The following GPR146 variants were observed in gnomAD, a reference collection of about 807,000 sequenced individuals.
GPR146 encodes the protein G-protein coupled receptor 146.
For synonymous variants in GPR146, 203 were observed against 104.3 expected, an observed-to-expected ratio of 1.95 and a Z score of -5.77; for missense variants, 381 against 213.9, an observed-to-expected ratio of 1.78 and a Z score of -4.87.
At chr7:1,049,167 G>A (rs1239784216) in intron 1 of GPR146, among the ~76,000 whole-genome samples, 2 of 152,216 alleles carry the variant, frequency 1.3e-5, no homozygotes, top group Non-Finnish European at 2.9e-5. Context: ...GGGTGTGACG[G>A]GGCCCATGTT....
intron 1 of GPR146, among the ~76,000 whole-genome samples, chr7:1,048,118 A>G (rs1470551512): frequency 6.6e-6 from 1 of 152,180 alleles, no homozygotes; most frequent in Non-Finnish European, 1.5e-5. Flanking sequence ...TAAAATGTCA[A>G]GGACGAGCCA....
intron 1 of GPR146, among the ~76,000 whole-genome samples, chr7:1,050,368 C>G (rs546227371): frequency 9.8e-5 from 15 of 152,386 alleles, no homozygotes; most frequent in African/African-American, 3.6e-4. Flanking sequence ...CCACCTGCGG[C>G]GGGCACATCC....
chr7:1,053,310 C>CG (rs1783333327), intron 1 of GPR146, among the ~76,000 whole-genome samples: 1 of 152,214 alleles, frequency 6.6e-6, no homozygotes, highest in Admixed American at 6.5e-5. Flanking sequence ...GTGGCGACGG[C>CG]GGGGGAGGGG....
rs1783958367 is a variant in GPR146, at chr7:1,057,587, G to C, written c.72G>C (p.Leu24=). Residue 24 remains leucine (L), a synonymous_variant, in exon 2 of 2, where the codon CTG becomes CTC. Coordinates refer to ENST00000444847, the MANE Select transcript of GPR146 (RefSeq NM_001303473.2). ...EELPACQDLQ[L]GLSLLSLLGL... ...TGCCTGCCTGCCAGGACCTGCAGCT[G>C]GGGCTGTCACTGTTGTCGCTGCTGG... 1.3e-6 allele frequency: 1 copy of C among 771,916 alleles called. No homozygotes were observed. Among genetic ancestry groups the C allele is most frequent in the African/African-American group, 1.7e-5 (1 of 59,128 alleles). 47.8% of individuals were successfully genotyped at this position (771,916 alleles called of 1,614,324 possible). A position where few individuals can be genotyped will look rare whatever the true frequency, so the allele number is the denominator to read the frequency against.
intron 1 of GPR146, chr7:1,056,210 G>C (rs1052089070): frequency 3.9e-5 from 6 of 154,932 alleles, no homozygotes; most frequent in African/African-American, 1.4e-4. Context: ...GGAGGTGCTG[G>C]TCAAGATGTG....
chr7:1,053,541 C>T (rs1476292209), intron 1 of GPR146, among the ~76,000 whole-genome samples: 1 of 152,216 alleles, frequency 6.6e-6, no homozygotes, highest in Non-Finnish European at 1.5e-5. Flanking sequence ...TCAAAATGTA[C>T]ACCTCGCTGG....
At chr7:1,044,820 G>C (rs1333561055) in intron 1 of GPR146, among the ~76,000 whole-genome samples, 162 bp downstream of exon 1, 1 of 152,244 alleles carries the variant, frequency 6.6e-6, no homozygotes, top group African/African-American at 2.4e-5. Flanking sequence ...CCGTGCCCTT[G>C]CCAGGAGGGG....
chr7:1,053,597 G>C (rs1013801392), intron 1 of GPR146, among the ~76,000 whole-genome samples: 3 of 152,232 alleles, frequency 2.0e-5, no homozygotes, highest in Admixed American at 2.0e-4. Context: ...GGAGGCCGAG[G>C]TGGGCGGATC....
At chr7:1,053,342 C>T (rs553578049) in intron 1 of GPR146, among the ~76,000 whole-genome samples, 1 of 152,328 alleles carries the variant, frequency 6.6e-6, no homozygotes, top group African/African-American at 2.4e-5. Flanking sequence ...GAGCCCAGAA[C>T]CTTGCGCAGG....
chr7:1,049,878 C>T, intron 1 of GPR146, among the ~76,000 whole-genome samples: 1 of 152,224 alleles, frequency 6.6e-6, no homozygotes, highest in Non-Finnish European at 1.5e-5. Flanking sequence ...TGGGCAGGGA[C>T]AGCTGAAGCT....
chr7:1,045,587 C>T (rs1297968477), intron 1 of GPR146: 3 of 152,208 alleles, frequency 2.0e-5, no homozygotes, highest in Non-Finnish European at 4.4e-5. Flanking sequence ...GATAGTCTAC[C>T]GTCCTAACTG....
In GPR146 at chr7:1,058,157, C is replaced by A. The variant is rs762998000; in HGVS notation, c.642C>A (p.Arg214=). The stretch of plus-strand genomic sequence containing the variant: ...CGCTGGTGCTACTCTCCCGCGTCCG[C>A]AGGGAGGACACGCCCCTGGACCGGG... ...LYALVLLSRV[R]REDTPLDRDT... is the part of the protein sequence containing the mutation. The change falls in exon 2 of 2, where the codon CGC becomes CGA. Residue 214 remains arginine, a synonymous_variant. Transcript: ENST00000444847. 1.4e-6 allele frequency: 1 copy of A among 738,952 alleles called. No homozygotes were observed. Among genetic ancestry groups the A allele is most frequent in the Non-Finnish European group, 2.5e-6 (1 of 402,766 alleles). 45.8% of individuals were successfully genotyped at this position (738,952 alleles called of 1,614,324 possible).
chr7:1,046,042 T>C (rs1330328782), intron 1 of GPR146, among the ~76,000 whole-genome samples: 1 of 152,180 alleles, frequency 6.6e-6, no homozygotes, highest in Admixed American at 6.5e-5. Context: ...GCGCACCTCA[T>C]GTGGGTCTTA....
chr7:1,058,778 T>C lies in GPR146; in HGVS notation c.*261T>C. 1 of 500,228 alleles carries C rather than the reference T, an allele frequency of 2.0e-6. No homozygotes were observed. Among genetic ancestry groups the C allele is most frequent in the Non-Finnish European group, 3.6e-6 (1 of 274,930 alleles). 31.0% of individuals were successfully genotyped at this position (500,228 alleles called of 1,614,324 possible). On this transcript the variant is annotated 3_prime_UTR_variant, in exon 2 of 2. Coordinates refer to ENST00000444847, the MANE Select transcript of GPR146 (RefSeq NM_001303473.2). ...CTCAAGGTCCACATCCGCAAAAGCC[T>C]CCTCGCCTTCAGCCTCCTCAGCATT...
In GPR146 at chr7:1,058,230, G is replaced by A. The variant is rs200125664; in HGVS notation, c.715G>A (p.Val239Met). The change falls in exon 2 of 2, where the codon GTG becomes ATG. Residue 239 changes from valine to methionine, a missense_variant. By Grantham distance (21) the Val-to-Met change is conservative. Coordinates refer to ENST00000444847, the MANE Select transcript of GPR146 (RefSeq NM_001303473.2). ...GGCACACAGGCTGCTGGTGGCCACC[G>A]TGTGCACGCAGTTTGGGCTCTGGAC... ...PSAHRLLVAT[V>M]CTQFGLWTPH... The A allele has an allele frequency of 2.0e-4, 154 of 761,084 alleles. No individual in the cohort carries two copies. Among genetic ancestry groups the A allele is most frequent in the Admixed American group, 3.5e-4 (20 of 57,074 alleles). 47.1% of individuals were successfully genotyped at this position (761,084 alleles called of 1,614,324 possible).
intron 1 of GPR146, among the ~76,000 whole-genome samples, chr7:1,051,685 A>G (rs1783126846): frequency 6.6e-6 from 1 of 152,262 alleles, no homozygotes; most frequent in Admixed American, 6.5e-5. Flanking sequence ...TTTAAAAAAC[A>G]AAAACAGGTC....
At chr7:1,057,100 C>T (rs1783878849) in intron 1 of GPR146, among the ~76,000 whole-genome samples, 1 of 152,148 alleles carries the variant, frequency 6.6e-6, no homozygotes, top group Non-Finnish European at 1.5e-5. Flanking sequence ...GCCTGTCCCT[C>T]CCGGCGCTGG....
chr7:1,057,005 G>A (rs572156931), intron 1 of GPR146, among the ~76,000 whole-genome samples: 167 of 152,100 alleles, frequency 1.1e-3, no homozygotes, highest in Non-Finnish European at 2.1e-3. Context: ...CCTCCCTGGA[G>A]CCCAGGCTCT....
chr7:1,053,409 G>A lies in GPR146; in HGVS notation c.-24-4083G>A, dbSNP rs73048388. ...TCAGTGACAGGGAGCTGGGTTGGCT[G>A]TGAGGGTCGGGCACGCGTCACGAGT... is the stretch of plus-strand genomic sequence containing the variant. On this transcript the variant is annotated intron_variant, in intron 1 of 1. Coordinates refer to ENST00000444847, the MANE Select transcript of GPR146 (RefSeq NM_001303473.2). 9.3e-3 allele frequency among the ~76,000 whole-genome samples: 1,412 copies of A among 152,306 alleles called. 11 individuals are homozygous for A. Among genetic ancestry groups the A allele is most frequent in the East Asian group, 0.028 (145 of 5,138 alleles).
Sources: gnomAD v4.1 joint callset for allele counts (sites outside exome capture counted in the v4.1 genomes callset) on GRCh38, gnomAD v4.1.1 for gene constraint, MANE v1.5 for transcripts, NCBI Gene and HGNC (gene_info 2026-07-23, HGNC 2026-07-21) for gene names.